SPON1: variants seen among roughly 807,000 people sequenced by gnomAD.
The protein encoded by SPON1 is spondin 1, also known as spondin-1.
In SPON1, 52 loss-of-function variants were observed where a neutral mutation model predicts 111.7. The observed-to-expected ratio is 0.47, with a 90% CI of 0.37 to 0.59. The LOEUF (loss-of-function observed/expected upper bound fraction) is 0.59, where lower values mean the gene tolerates loss of function less well. Among genes scored for constraint, SPON1 ranks in the 20% least tolerant of loss-of-function variants. The pLI is 0.00. For missense variants in SPON1, 957 were observed against 1,068.5 expected, an observed-to-expected ratio of 0.90 and a Z score of 1.46; for synonymous variants, 410 against 395.8, an observed-to-expected ratio of 1.04 and a Z score of -0.43.
rs567566197 is a variant in SPON1 at position 14,061,821 on chromosome 11, TAGAC to T, written c.480-13517_480-13514del. ...GATTTTCCTAATAACAGTTTTCTGA[TAGAC>T]AGACAGCATCAAATCAAAACAACTT... On this transcript the variant is annotated intron_variant, in intron 3 of 15. Coordinates refer to ENST00000576479, the MANE Select transcript of SPON1 (RefSeq NM_006108.4). Among the ~76,000 whole-genome samples, 275 of 152,356 alleles carry T rather than the reference TAGAC, an allele frequency of 1.8e-3. 1 individual carries two copies. Among genetic ancestry groups the T allele is most frequent in the Non-Finnish European group, 3.0e-3 (206 of 68,030 alleles).
Position 14,254,570 on chromosome 11 carries a change from C to A in SPON1, c.933C>A (p.Arg311=). 1 of 1,613,080 alleles carries A rather than the reference C, an allele frequency of 6.2e-7. No individual in the cohort carries two copies. Among genetic ancestry groups the A allele is most frequent in the Non-Finnish European group, 8.5e-7 (1 of 1,179,464 alleles). Residue 311 remains arginine, a synonymous_variant, in exon 8 of 16, where the codon CGC becomes CGA. Coordinates refer to ENST00000576479, the MANE Select transcript of SPON1 (RefSeq NM_006108.4). ...PSAEFSVDRT[R]HLMSFLTMMG... ...CTGAATTTTCCGTGGACAGAACGCGCCATTTAATGTCCTTCCTGACCATGA... is the reference window on the plus strand; with the variant it reads ...CTGAATTTTCCGTGGACAGAACGCGACATTTAATGTCCTTCCTGACCATGA...
At chr11:13,982,302 G>A (rs1554909762) in intron 1 of SPON1, among the ~76,000 whole-genome samples, 1 of 152,126 alleles carries the variant, frequency 6.6e-6, no homozygotes, top group Non-Finnish European at 1.5e-5. Context: ...GGGGGCTACT[G>A]TATATCATGT....
At chr11:14,155,556 T>C (rs532519723) in intron 6 of SPON1, among the ~76,000 whole-genome samples, 1 of 151,442 alleles carries the variant, frequency 6.6e-6, no homozygotes, top group Non-Finnish European at 1.5e-5. Context: ...ATGTGCAGTT[T>C]AGTTACATAT....
intron 6 of SPON1, among the ~76,000 whole-genome samples, chr11:14,187,267 A>G (rs1455014535): frequency 1.3e-5 from 2 of 152,132 alleles, no homozygotes; most frequent in African/African-American, 2.4e-5. Flanking sequence ...AACACCTCCC[A>G]CCAGACCCAA....
At chr11:14,013,927 G>A (rs1343387066) in intron 2 of SPON1, among the ~76,000 whole-genome samples, 8 of 152,134 alleles carry the variant, frequency 5.3e-5, no homozygotes, top group South Asian at 4.1e-4. Flanking sequence ...GTTTTGTAGC[G>A]GGGAAAAAGA....
chr11:14,079,104 A>C (rs1161222308), intron 4 of SPON1, among the ~76,000 whole-genome samples: 1 of 152,242 alleles, frequency 6.6e-6, no homozygotes, highest in East Asian at 1.9e-4. Context: ...TCTTGCAGGA[A>C]GCAGAACAGA....
At chr11:14,058,553 A>G (rs1451425382) in intron 3 of SPON1, among the ~76,000 whole-genome samples, 1 of 152,160 alleles carries the variant, frequency 6.6e-6, no homozygotes, top group African/African-American at 2.4e-5. Flanking sequence ...AGAGAAGGCA[A>G]GGAACATTAG....
chr11:14,001,781 A>G (rs1848321007), intron 2 of SPON1, among the ~76,000 whole-genome samples: 3 of 152,240 alleles, frequency 2.0e-5, no homozygotes, highest in African/African-American at 7.2e-5. Flanking sequence ...CATAATAACC[A>G]AGAACTGCAG....
At chr11:14,168,657 C>T (rs1848061947) in intron 6 of SPON1, among the ~76,000 whole-genome samples, 1 of 151,092 alleles carries the variant, frequency 6.6e-6, no homozygotes. Context: ...TCCCCCGCCC[C>T]CACCCCACAA....
intron 6 of SPON1, among the ~76,000 whole-genome samples, chr11:14,171,689 G>T (rs1234531878): frequency 3.9e-5 from 6 of 151,930 alleles, no homozygotes; most frequent in East Asian, 1.9e-4. Flanking sequence ...CTGGTATGTT[G>T]TGTCTTTGTT....
At position 14,229,488 on chromosome 11, in the gene SPON1, C is replaced by T. The variant is rs1299283824; in HGVS notation, c.826-13844C>T. ...TAGTGAGAGGTCGCACTGACAGAAG[C>T]GGAGTGGAGAGCCTGCCAGTATGAT... On this transcript the variant is annotated intron_variant, in intron 6 of 15. Transcript: ENST00000576479. 2.6e-5 allele frequency among the ~76,000 whole-genome samples: 4 copies of T among 152,122 alleles called. No individual in the cohort carries two copies. The East Asian group carries it at 7.7e-4, about 29-fold the overall frequency.
At chr11:14,074,485 G>A (rs1848901047) in intron 3 of SPON1, among the ~76,000 whole-genome samples, 1 of 152,328 alleles carries the variant, frequency 6.6e-6, no homozygotes, top group Middle Eastern at 3.4e-3. Flanking sequence ...CTGTTAAACA[G>A]GGTGAATGGA....
chr11:14,062,678 AG>A (rs1848800110), intron 3 of SPON1, among the ~76,000 whole-genome samples: 1 of 152,250 alleles, frequency 6.6e-6, no homozygotes, highest in Admixed American at 6.5e-5. Flanking sequence ...TATTACCAAA[AG>A]ATTGTTGCCA....
At chr11:14,086,122 T>C (rs1306079712) in intron 5 of SPON1, among the ~76,000 whole-genome samples, 1 of 152,174 alleles carries the variant, frequency 6.6e-6, no homozygotes, top group Non-Finnish European at 1.5e-5. Flanking sequence ...TTCTTCCTAT[T>C]TGAGTATGCT....
chr11:14,179,074 G>A (rs1486228165), intron 6 of SPON1, among the ~76,000 whole-genome samples: 1 of 152,158 alleles, frequency 6.6e-6, no homozygotes, highest in East Asian at 1.9e-4. Flanking sequence ...TCAGGGTATG[G>A]TGGTCTCTAT....
At chr11:14,161,925 G>A (rs1425144442) in intron 6 of SPON1, among the ~76,000 whole-genome samples, 5 of 151,662 alleles carry the variant, frequency 3.3e-5, no homozygotes, top group African/African-American at 1.2e-4. Context: ...GGCCAAGGTG[G>A]GGCAGATCAC....
intron 6 of SPON1, among the ~76,000 whole-genome samples, chr11:14,157,857 C>CT (rs1389018817): frequency 2.6e-5 from 4 of 151,586 alleles, no homozygotes; most frequent in South Asian, 4.2e-4. Context: ...TCATTTGATT[C>CT]TTTTTTTTAG....
At chr11:14,166,688 TATAACA>T (rs1554931893) in intron 6 of SPON1, among the ~76,000 whole-genome samples, 1 of 152,206 alleles carries the variant, frequency 6.6e-6, no homozygotes, top group African/African-American at 2.4e-5. Flanking sequence ...AACAATTTTA[TATAACA>T]ATTACAATTA....
chr11:14,132,151 G>A (rs566948197), intron 5 of SPON1, among the ~76,000 whole-genome samples: 11 of 152,074 alleles, frequency 7.2e-5, no homozygotes, highest in Non-Finnish European at 1.2e-4. Context: ...GGTGGCGGAC[G>A]CCTGTAATCC....
Sources: gnomAD v4.1 joint callset for allele counts (sites outside exome capture counted in the v4.1 genomes callset) on GRCh38, gnomAD v4.1.1 for gene constraint, MANE v1.5 for transcripts, NCBI Gene and HGNC (gene_info 2026-07-23, HGNC 2026-07-21) for gene names.